HNRNPK: variants seen among roughly 807,000 people sequenced by gnomAD.
HNRNPK encodes the protein dC-stretch binding protein.
In HNRNPK, 7 loss-of-function variants were observed where a neutral mutation model predicts 67.0. The observed-to-expected ratio is 0.10, with a 90% CI of 0.06 to 0.20. The LOEUF is 0.20. Ranked by LOEUF, HNRNPK falls within the 10% of genes least tolerant of loss-of-function variation. The pLI, the probability that HNRNPK is intolerant of heterozygous loss-of-function variation, is 1.00. For synonymous variants in HNRNPK, 213 were observed against 193.7 expected, an observed-to-expected ratio of 1.10 and a Z score of -0.83; for missense variants, 264 against 606.5, an observed-to-expected ratio of 0.44 and a Z score of 5.93.
chr9:83,974,844 G>T (rs1016923923), intron 6 of HNRNPK, among the ~76,000 whole-genome samples: 2 of 152,182 alleles, frequency 1.3e-5, no homozygotes, highest in African/African-American at 4.8e-5. Context: ...GATTAAGTGG[G>T]CAATAAACTG....
chr9:83,969,709 G>A (rs778155119), intron 16 of HNRNPK: 2 of 624,790 alleles, frequency 3.2e-6, no homozygotes, highest in East Asian at 5.8e-5. Context: ...ATGCTAGTAA[G>A]GTGTGAAATG....
intron 8 of HNRNPK, 133 bp downstream of exon 8, chr9:83,973,769 G>A (rs528306708): frequency 1.5e-6 from 1 of 666,718 alleles, no homozygotes; most frequent in East Asian, 2.8e-5. Flanking sequence ...ACAGTGAGTT[G>A]TAAGACCATT....
chr9:83,971,279 T>A lies in HNRNPK; in HGVS notation c.1086A>T (p.Glu362Asp). ...AACAACTATGATACTCAACCTGTGG[T>A]TCATAAGCCATCTGCCATTCTGATG... ...WSPSEWQMAY[E>D]PQGGSGYDYS... Residue 362 changes from glutamate to aspartate, a missense_variant, in exon 13 of 17, where the codon GAA becomes GAT. This residue lies in a region of HNRNPK where 142 missense variants were observed against 256.5 expected (regional missense o/e 0.55). Coordinates refer to ENST00000376263, the MANE Select transcript of HNRNPK (RefSeq NM_031263.4). 6.2e-7 allele frequency: 1 copy of A among 1,600,938 alleles called. No individual in the cohort carries two copies. Among genetic ancestry groups the A allele is most frequent in the Non-Finnish European group, 8.6e-7 (1 of 1,168,142 alleles).
chr9:83,971,894 G>A lies in HNRNPK; in HGVS notation c.941C>T (p.Pro314Leu), dbSNP rs1032464428. Residue 314 changes from proline to leucine, a missense_variant, in exon 11 of 17, where the codon CCA becomes CTA. By Grantham distance (98) the Pro-to-Leu change is moderately conservative. Around this residue, in one of 6 missense-constraint regions of HNRNPK, gnomAD observed 142 missense variants for 256.5 expected, o/e 0.55. Transcript: ENST00000376263. Reference protein sequence around the residue: ...ARNLPLPPPPPPRGGDLMAYD... With the variant: ...ARNLPLPPPPLPRGGDLMAYD... ...AAAAACAACTTACCCCCCTCTAGGTGGTGGTGGTGGAGGAAGAGGAAGATT... is the reference window on the plus strand; with the variant it reads ...AAAAACAACTTACCCCCCTCTAGGTAGTGGTGGTGGAGGAAGAGGAAGATT... 1 of 1,558,514 alleles carries A rather than the reference G, an allele frequency of 6.4e-7. No homozygotes were observed. The highest frequency in any genetic ancestry group is 8.7e-7 in the Non-Finnish European group (1 of 1,153,622).
At position 83,970,925 on chromosome 9, in the gene HNRNPK, A is replaced by G. The variant is rs772457802; in HGVS notation, c.1093-13T>C. 4.3e-6 allele frequency: 7 copies of G among 1,610,944 alleles called. No individual in the cohort carries two copies. The East Asian group carries it at 1.3e-4, about 31-fold the overall frequency. ...ATCCGGAGCCACCCTAAAAACAGAAAGAAAAAAATAGAAAATTACTTTGCC... is the reference window on the plus strand; with the variant it reads ...ATCCGGAGCCACCCTAAAAACAGAAGGAAAAAAATAGAAAATTACTTTGCC... On this transcript the variant is annotated splice_polypyrimidine_tract_variant and intron_variant, in intron 13 of 16. Coordinates refer to ENST00000376263, the MANE Select transcript of HNRNPK (RefSeq NM_031263.4).
chr9:83,976,882 C>A, intron 5 of HNRNPK, 113 bp downstream of exon 5: 190 of 555,230 alleles, frequency 3.4e-4, no homozygotes, highest in East Asian at 1.2e-3. Context: ...TAAATTATTA[C>A]AAATGTCTTT....
In HNRNPK at chr9:83,976,163, G is replaced by A. The variant is rs1245934696; in HGVS notation, c.214-658C>T. 2.6e-5 allele frequency among the ~76,000 whole-genome samples: 4 copies of A among 152,116 alleles called. No homozygotes were observed. In the East Asian group the frequency reaches 5.8e-4, roughly 22 times the overall value. ...TTCCTAGATCCTAACAGGCAAGTTT[G>A]TAAAATTTTAAACAAATTTTCAAGT... On this transcript the variant is annotated intron_variant, in intron 5 of 16. Transcript: ENST00000376263.
intron 2 of HNRNPK, 24 bp from the exon 3 acceptor site, chr9:83,978,303 T>C (rs1390128437): frequency 1.3e-6 from 2 of 1,543,128 alleles, no homozygotes; most frequent in Non-Finnish European, 1.7e-6. Context: ...AAGCAGCTAG[T>C]ACATTTGGCT....
chr9:83,975,830 A>C (rs955282569), intron 5 of HNRNPK: 3 of 340,514 alleles, frequency 8.8e-6, no homozygotes, highest in African/African-American at 6.1e-5. Context: ...CTAACACAAT[A>C]ATGGACTTCT....
chr9:83,972,399 A>C (rs751337395), intron 10 of HNRNPK: 11 of 556,686 alleles, frequency 2.0e-5, no homozygotes, highest in Non-Finnish European at 3.2e-5. Flanking sequence ...AACAAAAGTG[A>C]GTTCTATTGC....
intron 1 of HNRNPK, among the ~76,000 whole-genome samples, 183 bp from the exon 2 acceptor site, chr9:83,978,635 GTTTCA>G (rs1450344305): frequency 9.2e-5 from 14 of 152,122 alleles, no homozygotes; most frequent in Non-Finnish European, 1.6e-4. Flanking sequence ...AGGGAGCCTG[GTTTCA>G]TTTTTTGCTA....
In HNRNPK at chr9:83,970,903, C is replaced by T. The variant is rs1443603465; in HGVS notation, c.1102G>A (p.Gly368Arg). 5.0e-6 allele frequency: 8 copies of T among 1,612,726 alleles called. No homozygotes were observed. The highest frequency in any genetic ancestry group is 2.2e-5 in the East Asian group (1 of 44,880). Residue 368 changes from glycine (G) to arginine (R), a missense_variant, in exon 14 of 17, where the codon GGA (glycine) becomes AGA (arginine). Physicochemically the swap from Gly to Arg is moderately radical, Grantham distance 125. This residue lies in a region of HNRNPK where 142 missense variants were observed against 256.5 expected (regional missense o/e 0.55). Transcript: ENST00000376263. The part of the protein sequence containing the change: ...QMAYEPQGGS[G>R]YDYSYAGGRG... ...CACAAAGGAGAGAACTTACCATATC[C>T]GGAGCCACCCTAAAAACAGAAAGAA...
chr9:83,980,074 C>T (rs1321307838), intron 1 of HNRNPK, 79 bp downstream of exon 1: 1 of 152,460 alleles, frequency 6.6e-6, no homozygotes, highest in Non-Finnish European at 1.5e-5. Flanking sequence ...AAAGCGGCTC[C>T]CAGGACGCCT....
At position 83,973,274 on chromosome 9, in the gene HNRNPK, T is replaced by C; in HGVS notation, c.516+12A>G. 1 of 1,472,730 alleles carries C rather than the reference T, an allele frequency of 6.8e-7. No individual in the cohort carries two copies. Among genetic ancestry groups the C allele is most frequent in the Non-Finnish European group, 9.5e-7 (1 of 1,057,376 alleles). 91.2% of individuals were successfully genotyped at this position (1,472,730 alleles called of 1,614,324 possible). ...TCCAGCAAAGAATACGGCAGAATTT[T>C]TTTTTTTTTACCTCTCGAAGTTCTT... On this transcript the variant is annotated intron_variant, in intron 9 of 16. Transcript: ENST00000376263.
At chr9:83,973,235 A>G (rs777309624) in intron 9 of HNRNPK, 51 bp downstream of exon 9, 11 of 1,057,304 alleles carry the variant, frequency 1.0e-5, no homozygotes, top group Non-Finnish European at 1.6e-5. Flanking sequence ...ACAAGTCTAT[A>G]TGAAAATTTA....
rs1444936632 is a variant in HNRNPK at position 83,972,183 on chromosome 9, T to C, written c.652A>G (p.Ile218Val). Residue 218 changes from isoleucine to valine, a missense_variant, in exon 11 of 17, where the codon ATC (isoleucine) becomes GTC (valine). Physicochemically the swap from Ile to Val is conservative, Grantham distance 29. This residue lies in a region of HNRNPK where 142 missense variants were observed against 256.5 expected (regional missense o/e 0.55). Coordinates refer to ENST00000376263, the MANE Select transcript of HNRNPK (RefSeq NM_031263.4). ...IILDLISESP[I>V]KGRAQPYDPN... ...TCATAAGGCTGTGCACGTCCTTTGA[T>C]GGGAGACTAAAAACAGAGATGGAAC... 1 of 1,589,356 alleles carries C rather than the reference T, an allele frequency of 6.3e-7. No homozygotes were observed. Among genetic ancestry groups the C allele is most frequent in the Non-Finnish European group, 8.6e-7 (1 of 1,167,294 alleles).
At chr9:83,971,650 G>A (rs1447419114) in intron 12 of HNRNPK, 22 bp downstream of exon 12, 2 of 1,595,346 alleles carry the variant, frequency 1.3e-6, no homozygotes, top group Non-Finnish European at 1.7e-6. Context: ...CCAACACACT[G>A]GTAATAAACC....
intron 6 of HNRNPK, 120 bp from the exon 7 acceptor site, chr9:83,974,709 C>T (rs1956999594): frequency 1.5e-6 from 1 of 660,060 alleles, no homozygotes; most frequent in South Asian, 1.8e-5. Flanking sequence ...ATTTAATATT[C>T]CCCATTTAAA....
Position 83,970,680 on chromosome 9 carries a change from A to G in HNRNPK, c.1191+57T>C, listed in dbSNP as rs980772629. The stretch of plus-strand genomic sequence containing the variant: ...CCTTCTGAATTAAAAAATATACAGA[A>G]AGGAGGAATAATCATAAAAGTGATA... On this transcript the variant is annotated intron_variant, in intron 15 of 16. Transcript: ENST00000376263. The G allele has an allele frequency of 6.1e-4, 674 of 1,101,688 alleles. 2 individuals are homozygous for G. Among genetic ancestry groups the G allele is most frequent in the Admixed American group, 2.9e-4 (15 of 51,452 alleles). The allele number at this position is 1,101,688 out of a possible 1,614,324, so 68.2% of individuals were successfully genotyped here. A position where few individuals can be genotyped will look rare whatever the true frequency, so the allele number is the denominator to read the frequency against.
Sources: allele counts gnomAD v4.1 joint callset (sites outside exome capture counted in the v4.1 genomes callset), GRCh38; gene constraint gnomAD v4.1.1; regional missense constraint gnomAD v4.1.1; transcripts MANE v1.5; gene names NCBI Gene and HGNC (gene_info 2026-07-23, HGNC 2026-07-21).